EPHB1: variants seen among roughly 807,000 people sequenced by gnomAD.
EPHB1 encodes EPH receptor B1.
EPHB1 carries 30 observed loss-of-function variants against 94.4 expected under a neutral mutation model. The observed-to-expected ratio is 0.32, with a 90% confidence interval of 0.24 to 0.43. EPHB1 has a LOEUF of 0.43. Among genes scored for constraint, EPHB1 ranks in the 20% least tolerant of loss-of-function variants. The probability of loss-of-function intolerance (pLI) is 1.00; values close to 1 mark genes in which losing one functional copy is unlikely to be tolerated. For missense variants in EPHB1, 1,055 were observed against 1,308.3 expected (o/e 0.81, Z 2.99); for synonymous variants, 522 against 489.1 (o/e 1.07, Z -0.89).
intron 3 of EPHB1, among the ~76,000 whole-genome samples, chr3:135,066,010 A>G (rs1937576023): frequency 6.6e-6 from 1 of 152,188 alleles, no homozygotes; most frequent in East Asian, 1.9e-4. Flanking sequence ...TTGCTTGAGG[A>G]GGCTAAAGAT....
intron 1 of EPHB1, among the ~76,000 whole-genome samples, chr3:134,908,129 C>G (rs1045516051): frequency 1.3e-5 from 2 of 152,246 alleles, no homozygotes; most frequent in Admixed American, 6.5e-5. Context: ...CTTACAAAGC[C>G]CACACTGCAG....
At chr3:134,842,745 C>G (rs567553209) in intron 1 of EPHB1, among the ~76,000 whole-genome samples, 1 of 152,290 alleles carries the variant, frequency 6.6e-6, no homozygotes, top group South Asian at 2.1e-4. Context: ...GCCTGGAGTG[C>G]TTTTCCCACT....
chr3:134,917,932 G>T (rs190651482), intron 1 of EPHB1, among the ~76,000 whole-genome samples: 3 of 152,370 alleles, frequency 2.0e-5, no homozygotes, highest in South Asian at 4.1e-4. Flanking sequence ...AGGGCAGGAA[G>T]CAAGAGGGAA....
chr3:134,834,772 C>T (rs1275678821), intron 1 of EPHB1, among the ~76,000 whole-genome samples: 1 of 152,140 alleles, frequency 6.6e-6, no homozygotes, highest in Admixed American at 6.5e-5. Flanking sequence ...ATATGAGCAG[C>T]TATGCCATCA....
At chr3:134,960,810 A>T (rs1394606073) in intron 3 of EPHB1, among the ~76,000 whole-genome samples, 1 of 152,230 alleles carries the variant, frequency 6.6e-6, no homozygotes, top group Non-Finnish European at 1.5e-5. Context: ...CTTTTCATTG[A>T]GGATAGGACC....
At chr3:134,980,681 G>T (rs1350350) in intron 3 of EPHB1, among the ~76,000 whole-genome samples, 16,164 of 152,142 alleles carry the variant, frequency 0.11, 973 homozygotes, top group South Asian at 0.17. Context: ...GTTCTCCCTG[G>T]CATACCAGGT....
intron 2 of EPHB1, among the ~76,000 whole-genome samples, chr3:134,930,001 A>G (rs182215735): frequency 1.9e-3 from 291 of 152,252 alleles, no homozygotes; most frequent in Admixed American, 5.7e-3. Context: ...TGTTTAAGGC[A>G]GAGATTGTTC....
chr3:134,824,900 A>G (rs541935491), intron 1 of EPHB1, among the ~76,000 whole-genome samples: 2 of 152,206 alleles, frequency 1.3e-5, no homozygotes, highest in African/African-American at 4.8e-5. Flanking sequence ...ATCAAGCAGT[A>G]GTAGAGGCTT....
At chr3:134,900,252 G>A (rs971112806) in intron 1 of EPHB1, among the ~76,000 whole-genome samples, 2 of 152,226 alleles carry the variant, frequency 1.3e-5, no homozygotes, top group East Asian at 3.8e-4. Context: ...GCCCTTGGAA[G>A]CAGGAATCTT....
At chr3:135,036,063 A>G (rs1039447867) in intron 3 of EPHB1, among the ~76,000 whole-genome samples, 2 of 152,140 alleles carry the variant, frequency 1.3e-5, no homozygotes, top group Non-Finnish European at 2.9e-5. Flanking sequence ...ATTTCCACAT[A>G]CATCCACTTA....
intron 3 of EPHB1, among the ~76,000 whole-genome samples, chr3:135,037,938 A>C (rs1936700285): frequency 1.3e-5 from 2 of 152,220 alleles, no homozygotes; most frequent in Admixed American, 1.3e-4. Context: ...GGTGTGCCCC[A>C]TATTAGGCTC....
chr3:135,029,254 G>T (rs912353012), intron 3 of EPHB1, among the ~76,000 whole-genome samples: 1 of 149,352 alleles, frequency 6.7e-6, no homozygotes, highest in South Asian at 2.2e-4. Flanking sequence ...GTGTGAATTT[G>T]ATCCTGTCAT....
chr3:135,183,167 C>A (rs1016519807), intron 10 of EPHB1, among the ~76,000 whole-genome samples: 1 of 150,660 alleles, frequency 6.6e-6, no homozygotes, highest in Admixed American at 6.6e-5. Context: ...TGCTACAAAT[C>A]ATGAGCCCCT....
intron 12 of EPHB1, among the ~76,000 whole-genome samples, chr3:135,214,576 C>A (rs1943100736): frequency 6.6e-6 from 1 of 152,196 alleles, no homozygotes; most frequent in Non-Finnish European, 1.5e-5. Context: ...TGACGAATTT[C>A]AGTCATCCCA....
chr3:134,819,791 C>T (rs1198549121), intron 1 of EPHB1, among the ~76,000 whole-genome samples: 1 of 152,188 alleles, frequency 6.6e-6, no homozygotes, highest in Non-Finnish European at 1.5e-5. Flanking sequence ...TTTTGTCTGC[C>T]TGGGAGGCCT....
intron 3 of EPHB1, 70 bp from the exon 4 acceptor site, chr3:135,106,378 T>A: frequency 6.4e-7 from 1 of 1,568,336 alleles, no homozygotes; most frequent in Non-Finnish European, 8.8e-7. Flanking sequence ...ACACTCCTTT[T>A]CCGGTTGTAG....
intron 5 of EPHB1, among the ~76,000 whole-genome samples, chr3:135,135,394 A>G (rs1380935394): frequency 6.6e-6 from 1 of 152,232 alleles, no homozygotes; most frequent in African/African-American, 2.4e-5. Flanking sequence ...TTTTTTAAAG[A>G]TGAGAACCAT....
At chr3:135,123,726 G>A (rs1284978990) in intron 4 of EPHB1, among the ~76,000 whole-genome samples, 1 of 148,150 alleles carries the variant, frequency 6.7e-6, no homozygotes, top group African/African-American at 2.7e-5. Context: ...ATGCCTCATA[G>A]AATTTTGAGA....
intron 15 of EPHB1, among the ~76,000 whole-genome samples, chr3:135,252,484 C>A (rs1006289553): frequency 6.7e-6 from 1 of 148,864 alleles, no homozygotes. Context: ...TTTGTTCTCC[C>A]GATAGTTTAC....
Sources: gnomAD v4.1 joint callset for allele counts (sites outside exome capture counted in the v4.1 genomes callset) on GRCh38, gnomAD v4.1.1 for gene constraint, MANE v1.5 for transcripts, NCBI Gene and HGNC (gene_info 2026-07-23, HGNC 2026-07-21) for gene names.